The following IFT88 variants were observed in gnomAD, a reference collection of about 807,000 sequenced individuals.
IFT88 encodes the protein intraflagellar transport protein 88 homolog.
A neutral mutation model predicts 119.5 loss-of-function variants in IFT88; 74 were observed. That is an observed-to-expected ratio of 0.62 (90% CI 0.51 to 0.75). The LOEUF (loss-of-function observed/expected upper bound fraction) is 0.75. IFT88 is among the 30% of genes least tolerant of loss of function. The pLI, the probability that IFT88 is intolerant of heterozygous loss-of-function variation, is 0.00. For synonymous variants in IFT88, 279 were observed against 316.7 expected (o/e 0.88, Z 1.26); for missense variants, 961 against 977.7 (o/e 0.98, Z 0.23).
rs940232820 is a variant in IFT88, at chr13:20,567,166, C to T, written c.-97C>T. 1.3e-5 allele frequency: 2 copies of T among 152,266 alleles called. No homozygotes were observed. The highest frequency in any genetic ancestry group is 2.9e-5 in the Non-Finnish European group (2 of 68,108). The allele number at this position is 152,266 out of a possible 1,614,324, so 9.4% of individuals were successfully genotyped here. ...CTGTGGGAGCGGCTTCCTTGGATTC[C>T]GCGCTTGGCAACGGCTCGGCGTCGC... On this transcript the variant is annotated 5_prime_UTR_variant, in exon 1 of 26. Coordinates refer to ENST00000351808, the MANE Select transcript of IFT88 (RefSeq NM_006531.5).
chr13:20,623,675 C>G lies in IFT88; in HGVS notation c.1200-2075C>G, dbSNP rs1352614204. On this transcript the variant is annotated intron_variant, in intron 14 of 25. Transcript: ENST00000351808. ...GTATTTTTAGTAGAGATGGGTTTCA[C>G]TGTGTTAGCCAGGATGGTCTCAATC... Among the ~76,000 whole-genome samples, 3 of 152,222 alleles carry G rather than the reference C, an allele frequency of 2.0e-5. No individual in the cohort carries two copies. In the East Asian group the frequency reaches 5.8e-4, roughly 29 times the overall value.
At chr13:20,597,619 C>T (rs1301120833) in intron 9 of IFT88, among the ~76,000 whole-genome samples, 3 of 151,974 alleles carry the variant, frequency 2.0e-5, no homozygotes, top group Admixed American at 1.3e-4. Flanking sequence ...TGGCGGGCGC[C>T]TGTAGTCCCA....
chr13:20,623,711 G>A (rs1413766736), intron 14 of IFT88, among the ~76,000 whole-genome samples: 5 of 152,084 alleles, frequency 3.3e-5, no homozygotes, highest in South Asian at 2.1e-4. Context: ...TCCTGACCTC[G>A]TGATCCTCCC....
At chr13:20,666,234 G>A (rs1251184838) in intron 23 of IFT88, among the ~76,000 whole-genome samples, 1 of 152,202 alleles carries the variant, frequency 6.6e-6, no homozygotes, top group Non-Finnish European at 1.5e-5. Flanking sequence ...TGAGGATAGC[G>A]TTCTAGCTTT....
At chr13:20,592,291 T>C in intron 6 of IFT88, 44 bp from the exon 7 acceptor site, 3 of 1,436,656 alleles carry the variant, frequency 2.1e-6, no homozygotes, top group Non-Finnish European at 2.9e-6. Context: ...TCTTCGATTT[T>C]GCTGAGTTAC....
intron 13 of IFT88, among the ~76,000 whole-genome samples, chr13:20,608,513 A>G (rs891820084): frequency 6.6e-6 from 1 of 152,188 alleles, no homozygotes; most frequent in Non-Finnish European, 1.5e-5. Flanking sequence ...TGCATTCCAG[A>G]TAACATTCAG....
chr13:20,620,699 G>A (rs1015772752), intron 14 of IFT88, among the ~76,000 whole-genome samples: 30 of 152,154 alleles, frequency 2.0e-4, no homozygotes, highest in African/African-American at 7.2e-4. Context: ...CTGAGTAGCT[G>A]GGACTACAGG....
intron 20 of IFT88, among the ~76,000 whole-genome samples, chr13:20,653,227 C>T (rs982526331): frequency 6.6e-6 from 1 of 152,132 alleles, no homozygotes; most frequent in African/African-American, 2.4e-5. Flanking sequence ...GGTTTGCCAT[C>T]AAATCGAGTA....
At position 20,574,452 on chromosome 13, in the gene IFT88, T is replaced by A; in HGVS notation, c.67T>A (p.Tyr23Asn). ...TGATCTTTATTCCGGCTATAATGAC[T>A]ACAATCCAATCTATGATATCGAGGT... ...EDDLYSGYNDYNPIYDIEELE... is the reference protein window; with the variant it reads ...EDDLYSGYNDNNPIYDIEELE... Residue 23 changes from tyrosine to asparagine, a missense_variant, in exon 2 of 26, where the codon TAC (tyrosine) becomes AAC (asparagine). Coordinates refer to ENST00000351808, the MANE Select transcript of IFT88 (RefSeq NM_006531.5). The A allele has an allele frequency of 1.2e-6, 2 of 1,604,406 alleles. No individual in the cohort carries two copies. The highest frequency in any genetic ancestry group is 1.7e-4 in the Middle Eastern group (1 of 6,038).
At chr13:20,651,426 ACATGT>A (rs2051658108) in intron 20 of IFT88, among the ~76,000 whole-genome samples, 1 of 145,930 alleles carries the variant, frequency 6.9e-6, no homozygotes, top group South Asian at 2.2e-4. Context: ...AGATACTTAC[ACATGT>A]TTGTGTAAGT....
At chr13:20,616,712 TTTA>T in intron 14 of IFT88, among the ~76,000 whole-genome samples, 1 of 152,220 alleles carries the variant, frequency 6.6e-6, no homozygotes, top group East Asian at 1.9e-4. Flanking sequence ...AACATAATTG[TTTA>T]TTATCAAGTA....
chr13:20,593,530 T>C (rs1348246400), intron 7 of IFT88, among the ~76,000 whole-genome samples: 1 of 151,860 alleles, frequency 6.6e-6, no homozygotes, highest in Non-Finnish European at 1.5e-5. Context: ...TCTTTTTTTT[T>C]GTTTCTTTTT....
At chr13:20,611,627 T>C (rs1026626886) in intron 13 of IFT88, among the ~76,000 whole-genome samples, 1 of 151,784 alleles carries the variant, frequency 6.6e-6, no homozygotes, top group African/African-American at 2.4e-5. Context: ...TTTTCTGAGA[T>C]GGAATCTTGC....
At position 20,592,300 on chromosome 13, in the gene IFT88, A is replaced by G. The variant is rs201208353; in HGVS notation, c.329-35A>G. Reference sequence around the variant, plus strand: ...ATATATTCTTCGATTTTGCTGAGTTACAAATTGAATATTAACTCTTGAATT... The same window carrying G: ...ATATATTCTTCGATTTTGCTGAGTTGCAAATTGAATATTAACTCTTGAATT... On this transcript the variant is annotated intron_variant, in intron 6 of 25. Coordinates refer to ENST00000351808, the MANE Select transcript of IFT88 (RefSeq NM_006531.5). The G allele has an allele frequency of 2.5e-3, 3,794 of 1,544,058 alleles. 7 individuals carry two copies. Among genetic ancestry groups the G allele is most frequent in the Non-Finnish European group, 3.2e-3 (3,633 of 1,124,478 alleles).
intron 2 of IFT88, among the ~76,000 whole-genome samples, chr13:20,580,249 G>A (rs1025548112): frequency 1.3e-5 from 2 of 152,244 alleles, no homozygotes; most frequent in African/African-American, 4.8e-5. Flanking sequence ...CAGACGCGGG[G>A]ACTCACACCT....
chr13:20,584,007 A>G (rs1163584789), intron 3 of IFT88, among the ~76,000 whole-genome samples: 2 of 152,196 alleles, frequency 1.3e-5, no homozygotes, highest in Admixed American at 6.5e-5. Context: ...TTATGCCAGT[A>G]ACCACACTGT....
At chr13:20,671,550 A>G (rs1467257457) in intron 24 of IFT88, among the ~76,000 whole-genome samples, 1 of 152,198 alleles carries the variant, frequency 6.6e-6, no homozygotes, top group African/African-American at 2.4e-5. Context: ...TAAATGCTAT[A>G]GGCTTTTGGT....
rs188823372 is a variant in IFT88, at chr13:20,613,543, A to G, written c.1113-2250A>G. 6.1e-3 allele frequency among the ~76,000 whole-genome samples: 922 copies of G among 152,294 alleles called. 3 individuals carry two copies. Among genetic ancestry groups the G allele is most frequent in the Non-Finnish European group, 9.8e-3 (664 of 68,006 alleles). The stretch of plus-strand genomic sequence containing the variant: ...AAGTGCCCCAAAAGGTTAAGCATAG[A>G]CTTACCATATAACCCAGCAATTTTA... On this transcript the variant is annotated intron_variant, in intron 13 of 25. Coordinates refer to ENST00000351808, the MANE Select transcript of IFT88 (RefSeq NM_006531.5).
chr13:20,607,942 G>T, intron 13 of IFT88: 1 of 639,752 alleles, frequency 1.6e-6, no homozygotes, highest in South Asian at 1.5e-5. Context: ...CAAGTAAGAT[G>T]CAAACCAGCA....
Sources: gnomAD v4.1 joint callset for allele counts (sites outside exome capture counted in the v4.1 genomes callset) on GRCh38, gnomAD v4.1.1 for gene constraint, MANE v1.5 for transcripts, NCBI Gene and HGNC (gene_info 2026-07-23, HGNC 2026-07-21) for gene names.